Variants in SRRM4 observed in about 807,000 individuals in gnomAD.
The protein encoded by SRRM4 is serine/arginine repetitive matrix protein 4.
Under a neutral mutation model 68.9 loss-of-function variants are expected in SRRM4, and 33 were observed. The ratio of observed to expected loss-of-function variants is 0.48; its 90% CI spans 0.36 to 0.64. The LOEUF is 0.64. Among genes scored for constraint, SRRM4 ranks in the 30% least tolerant of loss-of-function variants. The probability of loss-of-function intolerance (pLI) is 0.00; values close to 1 mark genes in which losing one functional copy is unlikely to be tolerated. For synonymous variants in SRRM4, 318 were observed against 318.8 expected, an observed-to-expected ratio of 1.00 and a Z score of 0.03; for missense variants, 817 against 827.1, an observed-to-expected ratio of 0.99 and a Z score of 0.15.
intron 1 of SRRM4, among the ~76,000 whole-genome samples, chr12:119,057,292 A>C (rs1426128849): frequency 6.6e-6 from 1 of 152,192 alleles, no homozygotes; most frequent in Non-Finnish European, 1.5e-5. Context: ...CTCATCACCT[A>C]GGTATTAACC....
intron 2 of SRRM4, among the ~76,000 whole-genome samples, chr12:119,105,340 T>C (rs1954100635): frequency 6.6e-6 from 1 of 152,174 alleles, no homozygotes; most frequent in African/African-American, 2.4e-5. Flanking sequence ...TACCCAGTAA[T>C]TGGATGGCTG....
intron 1 of SRRM4, among the ~76,000 whole-genome samples, chr12:119,094,851 CTTTTGGGTCT>C (rs1203744911): frequency 6.6e-6 from 1 of 152,214 alleles, no homozygotes; most frequent in African/African-American, 2.4e-5. Flanking sequence ...GTCTTGGTTA[CTTTTGGGTCT>C]TTGAAATCTG....
At chr12:119,088,629 T>C (rs1953994124) in intron 1 of SRRM4, among the ~76,000 whole-genome samples, 1 of 147,378 alleles carries the variant, frequency 6.8e-6, no homozygotes, top group Non-Finnish European at 1.5e-5. Context: ...CACAAAGAGA[T>C]GCTGGAACAC....
intron 7 of SRRM4, among the ~76,000 whole-genome samples, chr12:119,126,952 C>T (rs983146971): frequency 2.3e-4 from 35 of 148,950 alleles, no homozygotes; most frequent in East Asian, 5.9e-4. Flanking sequence ...AGTAAACTAT[C>T]GCAAGAACAA....
intron 2 of SRRM4, among the ~76,000 whole-genome samples, chr12:119,108,730 GGT>G (rs1223726993): frequency 3.3e-5 from 5 of 151,798 alleles, no homozygotes; most frequent in African/African-American, 1.2e-4. Context: ...AGGTGAGATG[GGT>G]CTCTTGAATA....
intron 8 of SRRM4, among the ~76,000 whole-genome samples, chr12:119,140,510 C>A (rs1463163762): frequency 6.6e-6 from 1 of 152,212 alleles, no homozygotes; most frequent in African/African-American, 2.4e-5. Flanking sequence ...TTCCCACTAC[C>A]CTTCCCAGTC....
intron 1 of SRRM4, among the ~76,000 whole-genome samples, chr12:119,037,795 A>G (rs968901561): frequency 7.9e-5 from 12 of 152,222 alleles, no homozygotes; most frequent in Admixed American, 3.9e-4. Context: ...GCCCAGATTT[A>G]GGACTTGAAA....
At chr12:119,125,685 G>C (rs1355821804) in intron 7 of SRRM4, among the ~76,000 whole-genome samples, 1 of 151,940 alleles carries the variant, frequency 6.6e-6, no homozygotes, top group African/African-American at 2.4e-5. Context: ...ACTTTGGGAG[G>C]CCGAGGTGGC....
intron 1 of SRRM4, among the ~76,000 whole-genome samples, chr12:119,095,238 C>G (rs1954036424): frequency 6.6e-6 from 1 of 152,216 alleles, no homozygotes; most frequent in Non-Finnish European, 1.5e-5. Flanking sequence ...AATTGGCCAA[C>G]TTCATCTTGT....
At chr12:119,102,409 T>C (rs746251055) in intron 2 of SRRM4, 27 bp downstream of exon 2, 1 of 1,579,924 alleles carries the variant, frequency 6.3e-7, no homozygotes, top group Non-Finnish European at 8.6e-7. Flanking sequence ...ACGTTCAAGT[T>C]GAAGATACAG....
At chr12:119,141,329 G>C (rs1297077413) in intron 8 of SRRM4, among the ~76,000 whole-genome samples, 1 of 152,182 alleles carries the variant, frequency 6.6e-6, no homozygotes, top group East Asian at 1.9e-4. Context: ...ACCCTGATCT[G>C]ATCATTACAC....
chr12:119,140,559 T>G (rs141838692), intron 8 of SRRM4, among the ~76,000 whole-genome samples: 10 of 152,234 alleles, frequency 6.6e-5, no homozygotes, highest in African/African-American at 2.4e-4. Context: ...GGAGTACCTT[T>G]TCCTAATAGG....
intron 8 of SRRM4, among the ~76,000 whole-genome samples, chr12:119,137,169 C>T (rs1954334101): frequency 6.6e-6 from 1 of 151,796 alleles, no homozygotes. Context: ...TCCACACTCA[C>T]ATGAGAATTT....
chr12:119,094,514 C>T (rs1954031480), intron 1 of SRRM4, among the ~76,000 whole-genome samples: 1 of 152,222 alleles, frequency 6.6e-6, no homozygotes, highest in African/African-American at 2.4e-5. Flanking sequence ...TCTTGCCTGC[C>T]ACCCTCCACC....
chr12:119,090,094 G>A (rs1954004808), intron 1 of SRRM4, among the ~76,000 whole-genome samples: 1 of 152,078 alleles, frequency 6.6e-6, no homozygotes, highest in Non-Finnish European at 1.5e-5. Flanking sequence ...AAATAACTAG[G>A]AGACCCTGGA....
At chr12:119,030,714 A>G (rs894332731) in intron 1 of SRRM4, among the ~76,000 whole-genome samples, 7 of 152,202 alleles carry the variant, frequency 4.6e-5, no homozygotes, top group East Asian at 1.9e-4. Flanking sequence ...ATGAAATTTT[A>G]TGATGTTCCC....
At chr12:119,049,908 TC>T (rs1013730418) in intron 1 of SRRM4, among the ~76,000 whole-genome samples, 3 of 152,158 alleles carry the variant, frequency 2.0e-5, no homozygotes, top group African/African-American at 7.2e-5. Context: ...GTTTAAAAGG[TC>T]CCATTTTCAA....
intron 1 of SRRM4, among the ~76,000 whole-genome samples, chr12:119,090,509 C>T (rs1293502473): frequency 4.6e-5 from 7 of 152,162 alleles, no homozygotes; most frequent in African/African-American, 1.4e-4. Flanking sequence ...CTTTTGTACT[C>T]CTATGTCAGC....
intron 1 of SRRM4, among the ~76,000 whole-genome samples, chr12:119,032,538 CA>C (rs1953598580): frequency 1.3e-5 from 2 of 151,458 alleles, no homozygotes; most frequent in Non-Finnish European, 2.9e-5. Flanking sequence ...GGTTGTGGCC[CA>C]TTTCTCTCTT....
Sources: allele counts gnomAD v4.1 joint callset (sites outside exome capture counted in the v4.1 genomes callset), GRCh38; gene constraint gnomAD v4.1.1; transcripts MANE v1.5; gene names NCBI Gene and HGNC (gene_info 2026-07-23, HGNC 2026-07-21).